SMURF2: variants seen among roughly 807,000 people sequenced by gnomAD.
SMURF2 encodes E3 ubiquitin-protein ligase SMURF2.
In SMURF2, 48 loss-of-function variants were observed where a neutral mutation model predicts 109.6. The ratio of observed to expected loss-of-function variants is 0.44; its 90% CI spans 0.35 to 0.56. The LOEUF is 0.56. Ranked by LOEUF, SMURF2 falls within the 20% of genes least tolerant of loss-of-function variation. SMURF2 has a pLI of 0.01. For synonymous variants in SMURF2, 288 were observed against 317.1 expected, an observed-to-expected ratio of 0.91 and a Z score of 0.97; for missense variants, 575 against 909.0, an observed-to-expected ratio of 0.63 and a Z score of 4.72.
rs114135983 is a variant in SMURF2 at position 64,575,709 on chromosome 17, A to G, written c.857+2783T>C. ...GTCCTGAGCATAAGCTTTAGGCAGG[A>G]AAAAAAAACAACCTTCTGTGGGTTG... is the stretch of plus-strand genomic sequence containing the variant. On this transcript the variant is annotated intron_variant, in intron 9 of 18. Transcript: ENST00000262435. Among the ~76,000 whole-genome samples, 265 of 150,908 alleles carry G rather than the reference A, an allele frequency of 1.8e-3. 3 individuals are homozygous for G. Among genetic ancestry groups the G allele is most frequent in the African/African-American group, 6.2e-3 (255 of 41,016 alleles).
chr17:64,572,540 C>T (rs1555685666), intron 9 of SMURF2, among the ~76,000 whole-genome samples: 2 of 152,172 alleles, frequency 1.3e-5, no homozygotes, highest in African/African-American at 4.8e-5. Context: ...ACCAAGAGTG[C>T]TCTAAGGGTT....
At chr17:64,661,030 A>AGAAAGTTTGCTC (rs1970767783) in intron 1 of SMURF2, among the ~76,000 whole-genome samples, 1 of 152,142 alleles carries the variant, frequency 6.6e-6, no homozygotes, top group South Asian at 2.1e-4. Context: ...GGAGAGTAAC[A>AGAAAGTTTGCTC]GAAAGTTTGC....
intron 12 of SMURF2, among the ~76,000 whole-genome samples, chr17:64,560,578 A>G (rs1239621980): frequency 6.6e-6 from 1 of 152,206 alleles, no homozygotes; most frequent in Non-Finnish European, 1.5e-5. Context: ...TCCTTGGAAC[A>G]TTTCAATACA....
In SMURF2 at chr17:64,548,480, C is replaced by A. The variant is rs9902337; in HGVS notation, c.1870-679G>T. Among the ~76,000 whole-genome samples, 1,211 of 152,182 alleles carry A rather than the reference C, an allele frequency of 8.0e-3. 17 individuals are homozygous for A. Among genetic ancestry groups the A allele is most frequent in the African/African-American group, 0.028 (1,148 of 41,504 alleles). ...TAGGCTCACTGCAACCTCTGCCTCCCGGGTTCAAGTGATTCTCCTGCCTTA... is the reference window on the plus strand; with the variant it reads ...TAGGCTCACTGCAACCTCTGCCTCCAGGGTTCAAGTGATTCTCCTGCCTTA... On this transcript the variant is annotated intron_variant, in intron 16 of 18. Transcript: ENST00000262435.
In SMURF2 at chr17:64,662,072, C is replaced by T. The variant is rs1970789818; in HGVS notation, c.-192G>A. The T allele has an allele frequency of 1.6e-5, 17 of 1,093,604 alleles. No homozygotes were observed. Among genetic ancestry groups the T allele is most frequent in the Non-Finnish European group, 1.9e-5 (17 of 899,726 alleles). The allele number at this position is 1,093,604 out of a possible 1,614,324, so 67.7% of individuals were successfully genotyped here. A position where few individuals can be genotyped will look rare whatever the true frequency, so the allele number is the denominator to read the frequency against. ...GGAGCGGGACGCCGAGCTCCCCCCT[C>T]CTCCCACTTCTCCTTCCTCGGCCCG... On this transcript the variant is annotated 5_prime_UTR_variant, in exon 1 of 19. Coordinates refer to ENST00000262435, the MANE Select transcript of SMURF2 (RefSeq NM_022739.4).
intron 2 of SMURF2, among the ~76,000 whole-genome samples, chr17:64,603,579 G>C (rs111243384): frequency 9.6e-4 from 110 of 114,028 alleles, no homozygotes; most frequent in East Asian, 2.7e-3. Flanking sequence ...AGACTCCGTC[G>C]GGGGAAAAAA....
At chr17:64,602,847 C>T (rs1555688701) in intron 2 of SMURF2, among the ~76,000 whole-genome samples, 1 of 152,058 alleles carries the variant, frequency 6.6e-6, no homozygotes, top group African/African-American at 2.4e-5. Flanking sequence ...ATTGCTTGAA[C>T]CTGGGAGGCG....
rs1968975475 is a variant in SMURF2 at position 64,547,526 on chromosome 17, A to G, written c.2071+74T>C. On this transcript the variant is annotated intron_variant, in intron 17 of 18. Coordinates refer to ENST00000262435, the MANE Select transcript of SMURF2 (RefSeq NM_022739.4). This position sits in a 1 kb window ranked among gnomAD's most constrained non-coding sequence, Gnocchi z 4.2. The stretch of plus-strand genomic sequence containing the variant: ...AATCTCTAAGCACATGGTTTACAAA[A>G]TATCTCCACAGACCCCACGCTGACA... 1 of 1,283,482 alleles carries G rather than the reference A, an allele frequency of 7.8e-7. No individual in the cohort carries two copies. Among genetic ancestry groups the G allele is most frequent in the South Asian group, 1.2e-5 (1 of 83,662 alleles). 79.5% of individuals were successfully genotyped at this position (1,283,482 alleles called of 1,614,324 possible).
In SMURF2 at chr17:64,557,769, T is replaced by C. The variant is rs1555684169; in HGVS notation, c.1317-47A>G. 4 of 1,053,732 alleles carry C rather than the reference T, an allele frequency of 3.8e-6. No homozygotes were observed. The Admixed American group carries it at 6.1e-5, about 16-fold the overall frequency. 65.3% of individuals were successfully genotyped at this position (1,053,732 alleles called of 1,614,324 possible). A position where few individuals can be genotyped will look rare whatever the true frequency, so the allele number is the denominator to read the frequency against. On this transcript the variant is annotated intron_variant, in intron 12 of 18. Transcript: ENST00000262435. ...AGGAATTTTTTTGTTAATGTATACA[T>C]TTTTATTAAGATATGTCATTAACTA...
rs1555686550 is a variant in SMURF2, at chr17:64,581,134, ACT to A, written c.570-145_570-144del. The A allele has an allele frequency of 1.9e-5, 14 of 739,592 alleles. No individual in the cohort carries two copies. Among genetic ancestry groups the A allele is most frequent in the Non-Finnish European group, 2.8e-5 (13 of 459,548 alleles). 45.8% of individuals were successfully genotyped at this position (739,592 alleles called of 1,614,324 possible). ...TAATACAAGTATAATGACTTCAAGA[ACT>A]CTGAGTAAAAGCAAACCTGAAGTCT... is the stretch of plus-strand genomic sequence containing the variant. On this transcript the variant is annotated intron_variant, in intron 7 of 18. Transcript: ENST00000262435. The surrounding 1 kb of genome is among the most constrained non-coding windows in gnomAD (Gnocchi z 4.3).
At chr17:64,636,646 G>A (rs1970420550) in intron 1 of SMURF2, among the ~76,000 whole-genome samples, 1 of 149,930 alleles carries the variant, frequency 6.7e-6, no homozygotes, top group South Asian at 2.1e-4. Context: ...GGGCATGGTG[G>A]TGTGCACCTG....
intron 1 of SMURF2, among the ~76,000 whole-genome samples, chr17:64,646,983 T>G (rs1441834998): frequency 6.6e-6 from 1 of 152,200 alleles, no homozygotes; most frequent in African/African-American, 2.4e-5. Context: ...TTCATTATTT[T>G]ATTTCACCCT....
chr17:64,629,499 G>A (rs1414531813), intron 1 of SMURF2, among the ~76,000 whole-genome samples: 1 of 152,158 alleles, frequency 6.6e-6, no homozygotes, highest in African/African-American at 2.4e-5. Context: ...GAGAGACCCT[G>A]TCTCTAAGAT....
chr17:64,605,299 C>T (rs1969953413), intron 2 of SMURF2, among the ~76,000 whole-genome samples: 1 of 152,096 alleles, frequency 6.6e-6, no homozygotes, highest in East Asian at 1.9e-4. Context: ...CTCATATAAG[C>T]AGAAAGATAA....
intron 9 of SMURF2, among the ~76,000 whole-genome samples, chr17:64,575,402 C>T (rs1351602839): frequency 6.6e-6 from 1 of 151,988 alleles, no homozygotes; most frequent in Non-Finnish European, 1.5e-5. Flanking sequence ...ATCCTCCTGC[C>T]TCAGCCTCCC....
At chr17:64,619,338 C>T (rs1555690411) in intron 1 of SMURF2, among the ~76,000 whole-genome samples, 3 of 151,466 alleles carry the variant, frequency 2.0e-5, no homozygotes, top group African/African-American at 7.3e-5. Context: ...ATTTGCCAGG[C>T]ATGGTGGCAT....
chr17:64,654,066 G>A (rs147157099), intron 1 of SMURF2, among the ~76,000 whole-genome samples: 3 of 152,086 alleles, frequency 2.0e-5, no homozygotes, highest in Admixed American at 6.6e-5. Context: ...ACAAGTTCTC[G>A]GTATTGAAGA....
rs1968937523 is a variant in SMURF2, at chr17:64,545,616, A to G, written c.*232T>C. 2 of 337,862 alleles carry G rather than the reference A, an allele frequency of 5.9e-6. No individual in the cohort carries two copies. The highest frequency in any genetic ancestry group is 1.5e-4 in the South Asian group (2 of 13,738). The allele number at this position is 337,862 out of a possible 1,614,324, so 20.9% of individuals were successfully genotyped here. ...TTTAGGTTCAAGATATTAAGTTTAAATAGCAGCTGAATGTGGCCTCATGGC... is the reference window on the plus strand; with the variant it reads ...TTTAGGTTCAAGATATTAAGTTTAAGTAGCAGCTGAATGTGGCCTCATGGC... On this transcript the variant is annotated 3_prime_UTR_variant, in exon 19 of 19. Transcript: ENST00000262435.
Position 64,547,901 on chromosome 17 carries a change from G to C in SMURF2, c.1870-100C>G. The C allele has an allele frequency of 1.0e-6, 1 of 965,690 alleles. No individual in the cohort carries two copies. The highest frequency in any genetic ancestry group is 1.6e-6 in the Non-Finnish European group (1 of 623,476). 59.8% of individuals were successfully genotyped at this position (965,690 alleles called of 1,614,324 possible). A position where few individuals can be genotyped will look rare whatever the true frequency, so the allele number is the denominator to read the frequency against. The stretch of plus-strand genomic sequence containing the variant: ...GGTTTGTACTGCTGGCTGTCATTTG[G>C]TGGTTCCTAATTAAAGATGCACATC... On this transcript the variant is annotated intron_variant, in intron 16 of 18. Transcript: ENST00000262435. This position sits in a 1 kb window ranked among gnomAD's most constrained non-coding sequence, Gnocchi z 4.2.
Sources: allele counts gnomAD v4.1 joint callset (sites outside exome capture counted in the v4.1 genomes callset), GRCh38; gene constraint gnomAD v4.1.1; non-coding constraint Gnocchi (gnomAD v3.1); transcripts MANE v1.5; gene names NCBI Gene and HGNC (gene_info 2026-07-23, HGNC 2026-07-21).